The following CTNNA3 variants were observed in gnomAD, a reference collection of about 807,000 sequenced individuals.
CTNNA3 encodes catenin alpha-3.
CTNNA3 carries 76 observed loss-of-function variants against 95.7 expected under a neutral mutation model. The ratio of observed to expected loss-of-function variants is 0.79; its 90% CI spans 0.66 to 0.96. The LOEUF (loss-of-function observed/expected upper bound fraction) is 0.96. Among genes scored for constraint, CTNNA3 ranks in the 40% least tolerant of loss-of-function variants. The pLI is 0.00. For missense variants in CTNNA3, 1,191 were observed against 1,089.8 expected (o/e 1.09, Z -1.31); for synonymous variants, 431 against 374.4 (o/e 1.15, Z -1.74).
intron 5 of CTNNA3, among the ~76,000 whole-genome samples, chr10:67,232,029 G>A (rs1391733499): frequency 5.9e-5 from 9 of 152,202 alleles, no homozygotes; most frequent in South Asian, 2.1e-4. Context: ...CCAAATCTAC[G>A]TCTGATTGGT....
intron 13 of CTNNA3, among the ~76,000 whole-genome samples, chr10:66,271,837 T>C (rs898222530): frequency 6.6e-6 from 1 of 152,182 alleles, no homozygotes; most frequent in Admixed American, 6.5e-5. Flanking sequence ...TGAACATCTT[T>C]CTCTCAGAAT....
At chr10:66,789,501 A>G (rs918024828) in intron 7 of CTNNA3, among the ~76,000 whole-genome samples, 10 of 152,082 alleles carry the variant, frequency 6.6e-5, no homozygotes, top group Non-Finnish European at 1.3e-4. Context: ...AAAGAAATGA[A>G]AGCCAAGATG....
At chr10:67,570,334 G>A (rs543056683) in intron 3 of CTNNA3, among the ~76,000 whole-genome samples, 1 of 151,956 alleles carries the variant, frequency 6.6e-6, no homozygotes, top group African/African-American at 2.4e-5. Context: ...TTTCCTGGGA[G>A]AGCTTCTTCA....
chr10:67,495,449 TC>T (rs1838994759), intron 5 of CTNNA3, among the ~76,000 whole-genome samples: 1 of 152,222 alleles, frequency 6.6e-6, no homozygotes, highest in African/African-American at 2.4e-5. Flanking sequence ...GGCCTGAGAT[TC>T]ACTGGCCATC....
At chr10:66,662,464 T>C (rs533805712) in intron 9 of CTNNA3, among the ~76,000 whole-genome samples, 48 of 152,248 alleles carry the variant, frequency 3.2e-4, no homozygotes, top group African/African-American at 1.1e-3. Context: ...AACCCTACCA[T>C]TTTCTTTTGT....
intron 7 of CTNNA3, among the ~76,000 whole-genome samples, chr10:67,068,864 A>T (rs1564869286): frequency 6.6e-6 from 1 of 152,080 alleles, no homozygotes; most frequent in Non-Finnish European, 1.5e-5. Context: ...GTTCAAGACC[A>T]GCCTGGCCAA....
At chr10:66,757,118 G>A (rs1839391275) in intron 9 of CTNNA3, among the ~76,000 whole-genome samples, 1 of 152,072 alleles carries the variant, frequency 6.6e-6, no homozygotes, top group Admixed American at 6.6e-5. Flanking sequence ...GACGAGTAGA[G>A]GCCAACCCCT....
At chr10:66,860,312 T>C (rs1473130556) in intron 7 of CTNNA3, among the ~76,000 whole-genome samples, 2 of 152,126 alleles carry the variant, frequency 1.3e-5, no homozygotes, top group Non-Finnish European at 2.9e-5. Context: ...TGAAATCTAA[T>C]AGCGAAGAAG....
chr10:66,440,311 T>C (rs895397769), intron 11 of CTNNA3, among the ~76,000 whole-genome samples: 1 of 152,148 alleles, frequency 6.6e-6, no homozygotes, highest in South Asian at 2.1e-4. Flanking sequence ...CATTTCTTAA[T>C]ATATTCATTT....
chr10:66,137,870 A>G (rs925206077), intron 13 of CTNNA3, among the ~76,000 whole-genome samples: 5 of 152,128 alleles, frequency 3.3e-5, no homozygotes, highest in Non-Finnish European at 5.9e-5. Context: ...GGATGGCTTG[A>G]GTCCAGGAGG....
intron 7 of CTNNA3, among the ~76,000 whole-genome samples, chr10:66,936,992 T>C (rs942175218): frequency 6.6e-6 from 1 of 152,072 alleles, no homozygotes; most frequent in African/African-American, 2.4e-5. Context: ...CCTCTATAGA[T>C]TCCTCAGTAT....
intron 7 of CTNNA3, among the ~76,000 whole-genome samples, chr10:66,978,356 T>C (rs1243156744): frequency 6.6e-6 from 1 of 151,032 alleles, no homozygotes; most frequent in Middle Eastern, 3.2e-3. Flanking sequence ...CAAAACCCTG[T>C]CTCTACTAAA....
rs538971468 is a variant in CTNNA3, at chr10:66,444,511, G to C, written c.1532-65159C>G. ...CTCTACAAGCCAGAAGAGAGTGGGG[G>C]CCAACATTTCACATTCTTAAAGAAA... is the stretch of plus-strand genomic sequence containing the variant. On this transcript the variant is annotated intron_variant, in intron 11 of 17. Coordinates refer to ENST00000433211, the MANE Select transcript of CTNNA3 (RefSeq NM_013266.4). Among the ~76,000 whole-genome samples, 32 of 151,958 alleles carry C rather than the reference G, an allele frequency of 2.1e-4. No individual in the cohort carries two copies. The East Asian group carries it at 6.2e-3, about 29-fold the overall frequency.
At chr10:66,448,140 C>G (rs949865005) in intron 11 of CTNNA3, among the ~76,000 whole-genome samples, 10 of 152,078 alleles carry the variant, frequency 6.6e-5, no homozygotes, top group Non-Finnish European at 1.5e-5. Flanking sequence ...CCATCTCACA[C>G]CAGTTAGAAT....
intron 7 of CTNNA3, among the ~76,000 whole-genome samples, chr10:67,165,564 C>T (rs1861731851): frequency 2.0e-5 from 3 of 152,140 alleles, no homozygotes; most frequent in Admixed American, 2.0e-4. Flanking sequence ...ATGATGCAAC[C>T]TATATAGGAA....
chr10:67,666,779 A>G (rs1840338911), intron 1 of CTNNA3, among the ~76,000 whole-genome samples: 2 of 152,122 alleles, frequency 1.3e-5, no homozygotes, highest in Non-Finnish European at 2.9e-5. Context: ...TATAAATTTG[A>G]CTTTTAGAGC....
intron 9 of CTNNA3, among the ~76,000 whole-genome samples, chr10:66,687,508 CT>C (rs2132523617): frequency 6.6e-6 from 1 of 152,020 alleles, no homozygotes; most frequent in East Asian, 1.9e-4. Flanking sequence ...TAATATATAC[CT>C]TATACTACTA....
intron 7 of CTNNA3, among the ~76,000 whole-genome samples, chr10:66,990,623 T>A (rs1485223254): frequency 6.6e-6 from 1 of 152,136 alleles, no homozygotes; most frequent in African/African-American, 2.4e-5. Context: ...TCAAGATGAC[T>A]CAGCAAGTTA....
At chr10:67,171,113 A>G (rs1861999168) in intron 7 of CTNNA3, among the ~76,000 whole-genome samples, 1 of 152,174 alleles carries the variant, frequency 6.6e-6, no homozygotes, top group African/African-American at 2.4e-5. Flanking sequence ...AGTTTGCATA[A>G]TATTTCCATA....
Sources: allele counts gnomAD v4.1 joint callset (sites outside exome capture counted in the v4.1 genomes callset), GRCh38; gene constraint gnomAD v4.1.1; transcripts MANE v1.5; gene names NCBI Gene and HGNC (gene_info 2026-07-23, HGNC 2026-07-21).